PCBP3: variants seen among roughly 807,000 people sequenced by gnomAD.
PCBP3 encodes the protein poly(rC)-binding protein 3.
PCBP3 carries 25 observed loss-of-function variants against 52.7 expected under a neutral mutation model. The ratio of observed to expected loss-of-function variants is 0.47; its 90% confidence interval spans 0.35 to 0.66. PCBP3 has a LOEUF of 0.66. Ranked by LOEUF, PCBP3 falls within the 30% of genes least tolerant of loss-of-function variation. The pLI is 0.01. For synonymous variants in PCBP3, 162 were observed against 183.0 expected, an observed-to-expected ratio of 0.89 and a Z score of 0.93; for missense variants, 391 against 490.3, an observed-to-expected ratio of 0.80 and a Z score of 1.91.
In PCBP3 at chr21:45,748,168, A is replaced by G. The variant is rs574941467; in HGVS notation, c.-161-7249A>G. 2.6e-5 allele frequency: 4 copies of G among 152,562 alleles called. No homozygotes were observed. The South Asian group carries it at 8.3e-4, about 32-fold the overall frequency. The allele number at this position is 152,562 out of a possible 1,614,324, so 9.5% of individuals were successfully genotyped here. A position where few individuals can be genotyped will look rare whatever the true frequency, so the allele number is the denominator to read the frequency against. On this transcript the variant is annotated intron_variant, in intron 3 of 17. Transcript: ENST00000681687. ...GGAGTCAGCATTTCTGTGTGCTTTT[A>G]TTTTACAAATGCACCATCCATTCAT...
chr21:45,891,702 A>G (rs909312705), intron 5 of PCBP3, among the ~76,000 whole-genome samples: 1 of 152,192 alleles, frequency 6.6e-6, no homozygotes, highest in African/African-American at 2.4e-5. Flanking sequence ...TGTGCAGCCT[A>G]TTAACCATCA....
intron 12 of PCBP3, 116 bp downstream of exon 12, chr21:45,914,141 C>T (rs1255109472): frequency 6.5e-7 from 1 of 1,545,044 alleles, no homozygotes; most frequent in Non-Finnish European, 8.8e-7. Flanking sequence ...ACGTCTCCCA[C>T]CCGTGCTGGA....
chr21:45,653,793 GTTTA>G (rs1266682892), intron 1 of PCBP3, among the ~76,000 whole-genome samples: 2 of 151,814 alleles, frequency 1.3e-5, no homozygotes, highest in African/African-American at 2.4e-5. Context: ...CATTTTCTGT[GTTTA>G]TTTTTCTCTC....
In PCBP3 at chr21:45,928,900, G is replaced by T. The variant is rs1275123898; in HGVS notation, c.718-1017G>T. 6.6e-6 allele frequency among the ~76,000 whole-genome samples: 1 copy of T among 152,100 alleles called. No individual in the cohort carries two copies. The highest frequency in any genetic ancestry group is 2.4e-5 in the African/African-American group (1 of 41,432). On this transcript the variant is annotated intron_variant, in intron 13 of 17. Coordinates refer to ENST00000681687, the MANE Select transcript of PCBP3 (RefSeq NM_001384156.1). This position sits in a 1 kb window ranked among gnomAD's most constrained non-coding sequence, Gnocchi z 4.1. ...CTGCCTGCTGGGCAGCACCACAGAG[G>T]AGCTTTGCCCAGGGTCCTCCTGAGC...
intron 3 of PCBP3, chr21:45,750,127 G>A (rs1055146479): frequency 1.3e-5 from 2 of 152,328 alleles, no homozygotes; most frequent in African/African-American, 4.8e-5. Flanking sequence ...ACCTCGCCAG[G>A]TGCGGAGCAA....
intron 2 of PCBP3, among the ~76,000 whole-genome samples, chr21:45,715,556 CAG>C: frequency 6.6e-6 from 1 of 152,210 alleles, no homozygotes; most frequent in East Asian, 1.9e-4. Flanking sequence ...ATGAAAATGC[CAG>C]AGTGTTTTCC....
chr21:45,728,660 A>G (rs950677832), intron 2 of PCBP3: 1 of 152,046 alleles, frequency 6.6e-6, no homozygotes, highest in Non-Finnish European at 1.5e-5. Flanking sequence ...TCTTCCTTGT[A>G]TATTTTATTT....
intron 2 of PCBP3, among the ~76,000 whole-genome samples, chr21:45,719,491 A>G (rs2084467972): frequency 6.6e-6 from 1 of 152,114 alleles, no homozygotes. Flanking sequence ...TGTAATCTCC[A>G]TTACCCAAAA....
chr21:45,812,560 C>T (rs559104257), intron 4 of PCBP3, among the ~76,000 whole-genome samples: 5 of 152,302 alleles, frequency 3.3e-5, no homozygotes, highest in South Asian at 4.1e-4. Context: ...CACCAACACA[C>T]CCGGCTAATT....
intron 1 of PCBP3, among the ~76,000 whole-genome samples, chr21:45,665,443 A>AGTT (rs2080732317): frequency 3.9e-5 from 6 of 152,012 alleles, no homozygotes; most frequent in Non-Finnish European, 7.4e-5. Context: ...TTTGTTAGTT[A>AGTT]ATTTTGTATC....
chr21:45,747,104 T>C (rs530312717), intron 3 of PCBP3, among the ~76,000 whole-genome samples: 2 of 152,318 alleles, frequency 1.3e-5, no homozygotes, highest in South Asian at 4.1e-4. Flanking sequence ...CAGTTCCACA[T>C]GGCTGGGGAG....
intron 6 of PCBP3, among the ~76,000 whole-genome samples, chr21:45,899,314 G>A (rs2095956674): frequency 6.6e-6 from 1 of 152,162 alleles, no homozygotes; most frequent in South Asian, 2.1e-4. Flanking sequence ...TTTATCAGGG[G>A]CAGCCAGCTG....
chr21:45,756,871 T>C (rs934744510), intron 4 of PCBP3, among the ~76,000 whole-genome samples: 2 of 152,250 alleles, frequency 1.3e-5, no homozygotes, highest in Non-Finnish European at 2.9e-5. Flanking sequence ...TTCCATTGTA[T>C]GGATGGACCA....
intron 2 of PCBP3, among the ~76,000 whole-genome samples, chr21:45,723,283 T>C (rs2084799138): frequency 6.6e-6 from 1 of 152,160 alleles, no homozygotes; most frequent in Non-Finnish European, 1.5e-5. Flanking sequence ...GGGGCAGGCC[T>C]CTGAAGAACT....
intron 2 of PCBP3, among the ~76,000 whole-genome samples, chr21:45,669,801 GTGTGTATATATA>G (rs1389245395): frequency 3.8e-3 from 263 of 69,014 alleles, no homozygotes; most frequent in African/African-American, 0.011. Context: ...GTGTGTGTGT[GTGTGTATATATA>G]TATATATATA....
intron 5 of PCBP3, among the ~76,000 whole-genome samples, chr21:45,855,518 AC>A (rs1196005596): frequency 6.6e-6 from 1 of 152,188 alleles, no homozygotes; most frequent in Admixed American, 6.5e-5. Context: ...GAAACAACCA[AC>A]GTGGGAACCA....
chr21:45,734,388 C>G (rs2085695483), intron 2 of PCBP3, among the ~76,000 whole-genome samples: 1 of 152,236 alleles, frequency 6.6e-6, no homozygotes, highest in African/African-American at 2.4e-5. Flanking sequence ...CCACCACAGA[C>G]CTCTGGGATG....
chr21:45,903,843 C>T (rs981035197), intron 9 of PCBP3, among the ~76,000 whole-genome samples: 5 of 152,144 alleles, frequency 3.3e-5, no homozygotes, highest in Non-Finnish European at 5.9e-5. Context: ...GAATGGCTGC[C>T]TCTAGAGGAT....
intron 2 of PCBP3, among the ~76,000 whole-genome samples, chr21:45,669,566 T>C (rs1368235030): frequency 6.6e-6 from 1 of 151,970 alleles, no homozygotes. Flanking sequence ...TGAAACTCTT[T>C]ACACATTAAA....
Sources: allele counts gnomAD v4.1 joint callset (sites outside exome capture counted in the v4.1 genomes callset), GRCh38; gene constraint gnomAD v4.1.1; non-coding constraint Gnocchi (gnomAD v3.1); transcripts MANE v1.5; gene names NCBI Gene and HGNC (gene_info 2026-07-23, HGNC 2026-07-21).